The following SSBP2 variants were observed in gnomAD, a reference collection of about 807,000 sequenced individuals.
SSBP2 encodes the protein single stranded DNA binding protein 2.
In SSBP2, 17 loss-of-function variants were observed where a neutral mutation model predicts 61.8. The observed-to-expected ratio is 0.28, with a 90% CI of 0.19 to 0.41. The LOEUF (loss-of-function observed/expected upper bound fraction) is 0.41, where lower values mean the gene tolerates loss of function less well. Ranked by LOEUF, SSBP2 falls within the 10% of genes least tolerant of loss-of-function variation. The probability of loss-of-function intolerance (pLI) is 1.00; values close to 1 mark genes in which losing one functional copy is unlikely to be tolerated. For synonymous variants in SSBP2, 139 were observed against 141.3 expected (o/e 0.98, Z 0.12); for missense variants, 310 against 458.7 (o/e 0.68, Z 2.96).
intron 1 of SSBP2, among the ~76,000 whole-genome samples, chr5:81,734,785 C>G (rs554226540): frequency 3.3e-5 from 5 of 152,086 alleles, no homozygotes; most frequent in African/African-American, 1.2e-4. Flanking sequence ...TCCTGGCTAA[C>G]ACGGTGAAAC....
intron 4 of SSBP2, among the ~76,000 whole-genome samples, chr5:81,545,152 T>C (rs547623826): frequency 9.9e-5 from 15 of 152,258 alleles, no homozygotes; most frequent in African/African-American, 3.6e-4. Flanking sequence ...AAAACACATA[T>C]TTTTTTAGTA....
chr5:81,569,093 G>A (rs1288632613), intron 4 of SSBP2, among the ~76,000 whole-genome samples: 1 of 152,120 alleles, frequency 6.6e-6, no homozygotes, highest in Non-Finnish European at 1.5e-5. Flanking sequence ...AAGAATGGAA[G>A]GTCAGAAGGG....
At chr5:81,534,325 G>A (rs926347597) in intron 4 of SSBP2, among the ~76,000 whole-genome samples, 20 of 152,080 alleles carry the variant, frequency 1.3e-4, no homozygotes, top group African/African-American at 4.8e-4. Flanking sequence ...GAATCACAAG[G>A]CACACTAAAA....
rs769858459 is a variant in SSBP2 at position 81,453,304 on chromosome 5, C to A, written c.688-4479G>T. ...CCTGGGCAACAGAGTGAGACCCTGT[C>A]CCCCCACCCCACCAAAAAAAAGAGA... On this transcript the variant is annotated intron_variant, in intron 10 of 16. Transcript: ENST00000320672. 1.6e-4 allele frequency among the ~76,000 whole-genome samples: 25 copies of A among 151,800 alleles called. 1 individual carries two copies. The highest frequency in any genetic ancestry group is 2.6e-4 in the Non-Finnish European group (18 of 67,926).
At chr5:81,723,787 A>G (rs1755697885) in intron 1 of SSBP2, among the ~76,000 whole-genome samples, 1 of 151,980 alleles carries the variant, frequency 6.6e-6, no homozygotes, top group Admixed American at 6.6e-5. Flanking sequence ...GACACGGTAT[A>G]TATCATTACC....
chr5:81,633,937 G>T (rs1388715518), intron 3 of SSBP2, among the ~76,000 whole-genome samples: 1 of 152,164 alleles, frequency 6.6e-6, no homozygotes, highest in South Asian at 2.1e-4. Context: ...ACTTATTCGT[G>T]TTCCATCCAT....
intron 4 of SSBP2, among the ~76,000 whole-genome samples, chr5:81,578,665 T>G (rs915137359): frequency 1.3e-5 from 2 of 151,738 alleles, no homozygotes; most frequent in African/African-American, 4.8e-5. Flanking sequence ...AAGTAAATTA[T>G]AAAAGTAAGT....
intron 3 of SSBP2, among the ~76,000 whole-genome samples, chr5:81,634,884 T>C (rs1445409526): frequency 1.3e-5 from 2 of 152,242 alleles, no homozygotes; most frequent in Non-Finnish European, 2.9e-5. Context: ...AGGTGAAATG[T>C]ATTTGGCATG....
chr5:81,647,980 A>G (rs1489378021), intron 2 of SSBP2, among the ~76,000 whole-genome samples: 1 of 152,118 alleles, frequency 6.6e-6, no homozygotes, highest in Non-Finnish European at 1.5e-5. Flanking sequence ...ACTGTATCTA[A>G]TATCTTACAA....
intron 13 of SSBP2, among the ~76,000 whole-genome samples, chr5:81,441,207 A>C (rs1484225615): frequency 1.3e-5 from 2 of 152,246 alleles, no homozygotes; most frequent in African/African-American, 4.8e-5. Flanking sequence ...TGACACTCAG[A>C]GGTTCCATGG....
intron 3 of SSBP2, among the ~76,000 whole-genome samples, chr5:81,623,227 A>G (rs1746790726): frequency 6.6e-6 from 1 of 152,146 alleles, no homozygotes. Flanking sequence ...AAACAATATA[A>G]TATCTCTTCT....
chr5:81,474,605 T>A (rs1161130711), intron 6 of SSBP2, 43 bp from the exon 7 acceptor site: 2 of 1,423,910 alleles, frequency 1.4e-6, no homozygotes, highest in East Asian at 5.0e-5. Context: ...ATTGTAAATA[T>A]TTATAAAATA....
At chr5:81,549,084 C>G (rs1270645697) in intron 4 of SSBP2, among the ~76,000 whole-genome samples, 1 of 152,122 alleles carries the variant, frequency 6.6e-6, no homozygotes, top group African/African-American at 2.4e-5. Flanking sequence ...AAACCTCTAA[C>G]TGATAAGCTA....
At chr5:81,467,187 A>G in intron 8 of SSBP2, 122 bp from the exon 9 acceptor site, 2 of 532,856 alleles carry the variant, frequency 3.8e-6, no homozygotes, top group Non-Finnish European at 6.7e-6. Context: ...TGAGGGGTCC[A>G]TTCTTGTATT....
chr5:81,696,114 A>G (rs1370915469), intron 1 of SSBP2, among the ~76,000 whole-genome samples: 1 of 152,156 alleles, frequency 6.6e-6, no homozygotes, highest in Non-Finnish European at 1.5e-5. Context: ...CTGACTGCAA[A>G]GATTCCTGTT....
chr5:81,658,822 G>C (rs919500762), intron 1 of SSBP2, among the ~76,000 whole-genome samples: 3 of 152,216 alleles, frequency 2.0e-5, no homozygotes, highest in Non-Finnish European at 4.4e-5. Context: ...TATCCACCAC[G>C]ATCAACTTGG....
At chr5:81,669,487 C>A (rs1751420914) in intron 1 of SSBP2, among the ~76,000 whole-genome samples, 1 of 152,006 alleles carries the variant, frequency 6.6e-6, no homozygotes, top group Non-Finnish European at 1.5e-5. Context: ...ATATTCAGTA[C>A]TAAAAAGAAA....
chr5:81,656,586 T>C (rs1158421208), intron 1 of SSBP2, among the ~76,000 whole-genome samples: 4 of 152,100 alleles, frequency 2.6e-5, no homozygotes, highest in Admixed American at 1.3e-4. Flanking sequence ...GTCAAGCTAA[T>C]ATGTTTAATA....
At chr5:81,523,936 T>C (rs1359708470) in intron 4 of SSBP2, among the ~76,000 whole-genome samples, 2 of 152,050 alleles carry the variant, frequency 1.3e-5, no homozygotes, top group African/African-American at 2.4e-5. Flanking sequence ...TAAACCATTA[T>C]ATATTCTGGT....
Sources: allele counts gnomAD v4.1 joint callset (sites outside exome capture counted in the v4.1 genomes callset), GRCh38; gene constraint gnomAD v4.1.1; transcripts MANE v1.5; gene names NCBI Gene and HGNC (gene_info 2026-07-23, HGNC 2026-07-21).